Variants in FXYD2 observed in about 807,000 individuals in gnomAD.
FXYD2 encodes sodium/potassium-transporting ATPase subunit gamma.
In FXYD2, 8 loss-of-function variants were observed where a neutral mutation model predicts 11.8. The ratio of observed to expected loss-of-function variants is 0.68; its 90% CI spans 0.40 to 1.22. The LOEUF (loss-of-function observed/expected upper bound fraction) is 1.22, where lower values mean the gene tolerates loss of function less well. Among genes scored for constraint, FXYD2 ranks in the 50% most tolerant of loss-of-function variants. FXYD2 has a pLI of 0.01. For missense variants in FXYD2, 92 were observed against 91.8 expected, an observed-to-expected ratio of 1.00 and a Z score of -0.01; for synonymous variants, 42 against 33.3, an observed-to-expected ratio of 1.26 and a Z score of -0.90.
intron 3 of FXYD2, chr11:117,821,821 A>C (rs956103114): frequency 1.0e-6 from 1 of 993,970 alleles, no homozygotes; most frequent in African/African-American, 1.7e-5. Context: ...TCCAGAGCCC[A>C]CAGGTGTGCT....
upstream of FXYD2, among the ~76,000 whole-genome samples, chr11:117,827,764 A>C (rs1253466447): frequency 1.3e-5 from 2 of 152,240 alleles, no homozygotes; most frequent in African/African-American, 4.8e-5. Flanking sequence ...CAAGTAAATG[A>C]GGCAGTTGGA....
rs1034383680 is a variant in FXYD2, at chr11:117,822,050, G to C, written c.139+356C>G. The C allele has an allele frequency of 8.1e-7, 1 of 1,229,948 alleles. No individual in the cohort carries two copies. The highest frequency in any genetic ancestry group is 1.0e-6 in the Non-Finnish European group (1 of 970,716). 76.2% of individuals were successfully genotyped at this position (1,229,948 alleles called of 1,614,324 possible). ...GTCTTTGGATGCTAGCCCTAATCTT[G>C]TGAGGCAGGTGGGATCATCCCTATT... On this transcript the variant is annotated intron_variant, in intron 3 of 5. Coordinates refer to ENST00000292079, the MANE Select transcript of FXYD2 (RefSeq NM_001680.5). This position sits in a 1 kb window ranked among gnomAD's most constrained non-coding sequence, Gnocchi z 4.7.
chr11:117,824,873 G>A (rs1591536962), upstream of FXYD2: 8 of 712,214 alleles, frequency 1.1e-5, no homozygotes, highest in African/African-American at 3.5e-5. The surrounding 1 kb of genome is among the most constrained non-coding windows in gnomAD (Gnocchi z 4.0). Flanking sequence ...GGGTGAGGAC[G>A]TGCGTGGGGA....
chr11:117,826,944 G>A (rs1208062606), upstream of FXYD2, among the ~76,000 whole-genome samples: 1 of 152,006 alleles, frequency 6.6e-6, no homozygotes, highest in Admixed American at 6.6e-5. Context: ...ATGAGGTGGG[G>A]GCATTAAACA....
In FXYD2 at chr11:117,822,108, G is replaced by C; in HGVS notation, c.139+298C>G. 1.5e-6 allele frequency: 2 copies of C among 1,348,150 alleles called. No individual in the cohort carries two copies. The highest frequency in any genetic ancestry group is 9.6e-7 in the Non-Finnish European group (1 of 1,043,190). The allele number at this position is 1,348,150 out of a possible 1,614,324, so 83.5% of individuals were successfully genotyped here. A position where few individuals can be genotyped will look rare whatever the true frequency, so the allele number is the denominator to read the frequency against. Reference sequence around the variant, plus strand: ...TGAGTTTGGGACCATGGTTAGCAGCGGGGGGCCTAGTCCCCCTGTCTGGCC... The same window carrying C: ...TGAGTTTGGGACCATGGTTAGCAGCCGGGGGCCTAGTCCCCCTGTCTGGCC... On this transcript the variant is annotated intron_variant, in intron 3 of 5. Coordinates refer to ENST00000292079, the MANE Select transcript of FXYD2 (RefSeq NM_001680.5). The surrounding 1 kb of genome is among the most constrained non-coding windows in gnomAD (Gnocchi z 4.7).
At chr11:117,825,234 G>A (rs777454044), upstream of FXYD2, among the ~76,000 whole-genome samples, 13 of 152,144 alleles carry the variant, frequency 8.5e-5, no homozygotes, top group African/African-American at 1.9e-4. Flanking sequence ...CTGGAGCACC[G>A]CCAAAGCTGA....
intron 5 of FXYD2, 134 bp downstream of exon 5, chr11:117,820,532 G>A (rs2055873069): frequency 1.8e-6 from 2 of 1,134,106 alleles, no homozygotes; most frequent in South Asian, 2.8e-5. Flanking sequence ...CACACGATGG[G>A]TGACAGACCA....
chr11:117,821,619 G>A (rs4579962), intron 3 of FXYD2: 259,044 of 985,592 alleles, frequency 0.26, 35,491 homozygotes, highest in Admixed American at 0.3. Flanking sequence ...ACCCGGCACT[G>A]CCCTCCGGGA....
Position 117,824,095 on chromosome 11 carries a change from C to G in FXYD2, c.25+559G>C, listed in dbSNP as rs1026011407. 1.1e-4 allele frequency: 19 copies of G among 172,556 alleles called. No homozygotes were observed. The highest frequency in any genetic ancestry group is 5.1e-5 in the Non-Finnish European group (4 of 78,932). The allele number at this position is 172,556 out of a possible 1,614,324, so 10.7% of individuals were successfully genotyped here. ...CCTCCTCCTCCGTGGCCACCTGGCC[C>G]TGAGCCGCTTGCTGAGACCCTCCCT... On this transcript the variant is annotated intron_variant, in intron 1 of 5. Coordinates refer to ENST00000292079, the MANE Select transcript of FXYD2 (RefSeq NM_001680.5). The surrounding 1 kb of genome is among the most constrained non-coding windows in gnomAD (Gnocchi z 4.0).
chr11:117,822,202 T>A lies in FXYD2; in HGVS notation c.139+204A>T, dbSNP rs962715086. On this transcript the variant is annotated intron_variant, in intron 3 of 5. Coordinates refer to ENST00000292079, the MANE Select transcript of FXYD2 (RefSeq NM_001680.5). The surrounding 1 kb of genome is among the most constrained non-coding windows in gnomAD (Gnocchi z 4.7). ...GGCTCCTCCCGGGCCCACTGGAGGG[T>A]GCACTTGAGCAAGCAGGAACCTCAC... 5 of 1,464,364 alleles carry A rather than the reference T, an allele frequency of 3.4e-6. No homozygotes were observed. The highest frequency in any genetic ancestry group is 1.4e-5 in the African/African-American group (1 of 71,516). The allele number at this position is 1,464,364 out of a possible 1,614,324, so 90.7% of individuals were successfully genotyped here.
Position 117,820,660 on chromosome 11 carries a change from G to A in FXYD2, c.*6+6C>T. 4 of 1,613,684 alleles carry A rather than the reference G, an allele frequency of 2.5e-6. No homozygotes were observed. In the South Asian group the frequency reaches 4.4e-5, roughly 18 times the overall value. ...CCCGCACCTTCCCCAGGCCCTCCTA[G>A]CATACCTGCTGTTACGGCTCATCTT... is the stretch of plus-strand genomic sequence containing the variant. On this transcript the variant is annotated splice_donor_region_variant and intron_variant, in intron 5 of 5. Coordinates refer to ENST00000292079, the MANE Select transcript of FXYD2 (RefSeq NM_001680.5).
chr11:117,820,504 C>G, intron 5 of FXYD2, 132 bp from the exon 6 acceptor site: 1 of 844,222 alleles, frequency 1.2e-6, no homozygotes, highest in South Asian at 1.6e-5. Flanking sequence ...ACGCCAGGCC[C>G]TTGGCCATCA....
In FXYD2 at chr11:117,822,004, G is replaced by A; in HGVS notation, c.139+402C>T. On this transcript the variant is annotated intron_variant, in intron 3 of 5. Coordinates refer to ENST00000292079, the MANE Select transcript of FXYD2 (RefSeq NM_001680.5). The surrounding 1 kb of genome is among the most constrained non-coding windows in gnomAD (Gnocchi z 4.7). ...CCGAGTCTGCACTGGACCGTTCTCA[G>A]AGCGCTGTCCTGACTGCCATGTCTT... The A allele has an allele frequency of 4.3e-6, 5 of 1,166,282 alleles. No individual in the cohort carries two copies. Among genetic ancestry groups the A allele is most frequent in the Non-Finnish European group, 5.4e-6 (5 of 933,420 alleles). The allele number at this position is 1,166,282 out of a possible 1,614,324, so 72.2% of individuals were successfully genotyped here.
At chr11:117,820,918 T>C in intron 3 of FXYD2, 23 bp from the exon 4 acceptor site, 1 of 1,614,064 alleles carries the variant, frequency 6.2e-7, no homozygotes, top group Non-Finnish European at 8.5e-7. Context: ...AAAGGAGATT[T>C]GTTTCCATGG....
chr11:117,821,383 G>C, intron 3 of FXYD2: 1 of 987,850 alleles, frequency 1.0e-6, no homozygotes, highest in Non-Finnish European at 1.2e-6. Context: ...ATATAAGGCT[G>C]GACCATAGGC....
chr11:117,826,820 C>CTGTCTA (rs1416298879), upstream of FXYD2, among the ~76,000 whole-genome samples: 1 of 142,708 alleles, frequency 7.0e-6, no homozygotes, highest in African/African-American at 2.6e-5. Context: ...ATCTATCTAT[C>CTGTCTA]TATCTGTCTA....
upstream of FXYD2, chr11:117,824,863 G>A (rs1471966111): frequency 1.3e-6 from 1 of 746,774 alleles, no homozygotes; most frequent in African/African-American, 1.7e-5. The surrounding 1 kb of genome is among the most constrained non-coding windows in gnomAD (Gnocchi z 4.0). Context: ...TCCTTCTGCA[G>A]GGTGAGGACG....
At chr11:117,821,436 T>A in intron 3 of FXYD2, 1 of 986,836 alleles carries the variant, frequency 1.0e-6, no homozygotes, top group Non-Finnish European at 1.2e-6. Flanking sequence ...AAATATTTAC[T>A]GGAGCAGATC....
At chr11:117,827,668 A>T (rs2056072772), upstream of FXYD2, among the ~76,000 whole-genome samples, 2 of 152,230 alleles carry the variant, frequency 1.3e-5, no homozygotes, top group South Asian at 4.1e-4. Flanking sequence ...GCCAGAGGTC[A>T]GATGGCCAGA....
Sources: allele counts gnomAD v4.1 joint callset (sites outside exome capture counted in the v4.1 genomes callset), GRCh38; gene constraint gnomAD v4.1.1; non-coding constraint Gnocchi (gnomAD v3.1); transcripts MANE v1.5; gene names NCBI Gene and HGNC (gene_info 2026-07-23, HGNC 2026-07-21).